Variants in LARGE1 observed in about 807,000 individuals in gnomAD.
LARGE1 encodes LARGE xylosyl- and glucuronyltransferase 1.
In LARGE1, 43 loss-of-function variants were observed where a neutral mutation model predicts 87.6. That is an observed-to-expected ratio of 0.49 (90% confidence interval 0.38 to 0.63). The LOEUF is 0.63. Ranked by LOEUF, LARGE1 falls within the 30% of genes least tolerant of loss-of-function variation. The probability of loss-of-function intolerance (pLI) is 0.00; values close to 1 mark genes in which losing one functional copy is unlikely to be tolerated. For missense variants in LARGE1, 802 were observed against 1,000.2 expected (o/e 0.80, Z 2.67); for synonymous variants, 434 against 394.6 (o/e 1.10, Z -1.18).
At chr22:33,547,083 G>GTCC (rs2077380318) in intron 6 of LARGE1, among the ~76,000 whole-genome samples, 1 of 151,834 alleles carries the variant, frequency 6.6e-6, no homozygotes, top group Non-Finnish European at 1.5e-5. Flanking sequence ...GATGTGGACT[G>GTCC]AACTGTTATA....
At chr22:33,700,507 G>T (rs1048161398) in intron 2 of LARGE1, among the ~76,000 whole-genome samples, 1 of 152,140 alleles carries the variant, frequency 6.6e-6, no homozygotes, top group African/African-American at 2.4e-5. Flanking sequence ...GGCTGGCGGG[G>T]GTGCCAGAAC....
At chr22:33,135,927 A>C in the LARGE1 span, among the ~76,000 whole-genome samples, 1 of 152,230 alleles carries the variant, frequency 6.6e-6, no homozygotes, top group Non-Finnish European at 1.5e-5. Flanking sequence ...TTCATTTAGA[A>C]CTATTGTTTC....
At chr22:33,636,533 G>A (rs1015486387) in intron 3 of LARGE1, among the ~76,000 whole-genome samples, 5 of 152,082 alleles carry the variant, frequency 3.3e-5, no homozygotes, top group African/African-American at 1.2e-4. Flanking sequence ...AGTAATAAAT[G>A]TGTCAACTAT....
chr22:33,365,914 C>A (rs955800544), intron 9 of LARGE1, among the ~76,000 whole-genome samples: 1 of 152,120 alleles, frequency 6.6e-6, no homozygotes, highest in Admixed American at 6.5e-5. Flanking sequence ...CTGCACCTGG[C>A]CTGCTTTTCT....
chr22:33,108,839 C>T, the LARGE1 span, among the ~76,000 whole-genome samples: 2 of 152,030 alleles, frequency 1.3e-5, no homozygotes, highest in Admixed American at 6.6e-5. Context: ...ACTATTATTA[C>T]TGAGAGGCAG....
intron 3 of LARGE1, among the ~76,000 whole-genome samples, chr22:33,631,043 C>T (rs759310755): frequency 3.3e-5 from 5 of 152,022 alleles, no homozygotes; most frequent in African/African-American, 9.6e-5. Context: ...TTAGTAGAGA[C>T]GGGGTTTCAC....
intron 1 of LARGE1, among the ~76,000 whole-genome samples, chr22:33,896,628 C>T (rs576915401): frequency 2.0e-5 from 3 of 152,228 alleles, no homozygotes; most frequent in South Asian, 2.1e-4. Flanking sequence ...TCAATGATGC[C>T]GTCACCTTGC....
chr22:33,092,383 T>C, the LARGE1 span, among the ~76,000 whole-genome samples: 1 of 152,146 alleles, frequency 6.6e-6, no homozygotes, highest in Non-Finnish European at 1.5e-5. Context: ...GCGGTTCAAG[T>C]GATCTGCCTA....
At chr22:33,520,761 T>C (rs2071542334) in intron 6 of LARGE1, among the ~76,000 whole-genome samples, 1 of 152,220 alleles carries the variant, frequency 6.6e-6, no homozygotes. Context: ...GAGCTGCTGT[T>C]TTGGGACTTC....
intron 8 of LARGE1, among the ~76,000 whole-genome samples, chr22:33,383,895 C>G (rs900229434): frequency 6.6e-6 from 1 of 152,216 alleles, no homozygotes; most frequent in African/African-American, 2.4e-5. Flanking sequence ...ACGCTAAGCT[C>G]TATGAGGGCA....
At chr22:33,425,527 G>A (rs1387629617) in intron 7 of LARGE1, among the ~76,000 whole-genome samples, 1 of 152,146 alleles carries the variant, frequency 6.6e-6, no homozygotes, top group Non-Finnish European at 1.5e-5. Context: ...AAAGATGAAT[G>A]AGAACCTACA....
At chr22:33,772,223 C>G (rs2145823019) in intron 1 of LARGE1, among the ~76,000 whole-genome samples, 1 of 152,188 alleles carries the variant, frequency 6.6e-6, no homozygotes, top group East Asian at 1.9e-4. Context: ...GTCCCAGCTA[C>G]TCGGGAAGCT....
At chr22:33,709,488 G>A (rs562403384) in intron 2 of LARGE1, among the ~76,000 whole-genome samples, 10 of 152,240 alleles carry the variant, frequency 6.6e-5, no homozygotes, top group Non-Finnish European at 7.4e-5. Flanking sequence ...TTGAATGCAC[G>A]CCAAGACTGC....
intron 11 of LARGE1, among the ~76,000 whole-genome samples, chr22:33,214,138 T>A (rs1280507292): frequency 6.6e-6 from 1 of 152,186 alleles, no homozygotes; most frequent in Non-Finnish European, 1.5e-5. Context: ...TGCCACAAAC[T>A]GAGTAGCTTA....
chr22:33,283,400 G>A lies in LARGE1; in HGVS notation c.1731-52C>T, dbSNP rs756131887. On this transcript the variant is annotated intron_variant, in intron 12 of 14. Transcript: ENST00000397394. The stretch of plus-strand genomic sequence containing the variant: ...CAGAGTCCCTGTGACACCAGGCCAA[G>A]GTCTTTCCCCCATGAGGGCGGGGTG... The A allele has an allele frequency of 4.4e-6, 7 of 1,606,692 alleles. No individual in the cohort carries two copies. In the East Asian group the frequency reaches 8.9e-5, roughly 20 times the overall value.
At position 33,426,502 on chromosome 22, in the gene LARGE1, T is replaced by C. The variant is rs551708944; in HGVS notation, c.892+5659A>G. On this transcript the variant is annotated intron_variant, in intron 7 of 14. Coordinates refer to ENST00000397394, the MANE Select transcript of LARGE1 (RefSeq NM_133642.5). ...GGACTTAGCCAGGGTCCCAGAATGC[T>C]GGATGTCAGAGGCAGAGGTAAGTTG... Among the ~76,000 whole-genome samples, 4 of 152,346 alleles carry C rather than the reference T, an allele frequency of 2.6e-5. No homozygotes were observed. The South Asian group carries it at 8.3e-4, about 32-fold the overall frequency.
intron 6 of LARGE1, among the ~76,000 whole-genome samples, chr22:33,478,405 T>C (rs2148176348): frequency 6.6e-6 from 1 of 152,336 alleles, no homozygotes; most frequent in South Asian, 2.1e-4. Flanking sequence ...AGAACACCTA[T>C]TAACATCTTG....
chr22:33,628,951 C>T (rs527405542), intron 3 of LARGE1, among the ~76,000 whole-genome samples: 21 of 152,296 alleles, frequency 1.4e-4, no homozygotes, highest in Admixed American at 1.1e-3. Flanking sequence ...AAACAAAGAC[C>T]TGTCCTGCCC....
the LARGE1 span, among the ~76,000 whole-genome samples, chr22:33,107,574 G>A: frequency 6.6e-6 from 1 of 150,594 alleles, no homozygotes; most frequent in African/African-American, 2.4e-5. Flanking sequence ...CATTTAAAAA[G>A]CTACATTTAG....
Sources: allele counts gnomAD v4.1 joint callset (sites outside exome capture counted in the v4.1 genomes callset), GRCh38; gene constraint gnomAD v4.1.1; transcripts MANE v1.5; gene names NCBI Gene and HGNC (gene_info 2026-07-23, HGNC 2026-07-21).